Variants in PHYH observed in about 807,000 individuals in gnomAD.
PHYH encodes phytanoyl-CoA dioxygenase, peroxisomal.
PHYH carries 32 observed loss-of-function variants against 38.5 expected under a neutral mutation model. The ratio of observed to expected loss-of-function variants is 0.83; its 90% CI spans 0.63 to 1.12. The LOEUF is 1.12. Among genes scored for constraint, PHYH ranks in the 50% most tolerant of loss-of-function variants. PHYH has a pLI of 0.00. For synonymous variants in PHYH, 166 were observed against 157.9 expected, an observed-to-expected ratio of 1.05 and a Z score of -0.38; for missense variants, 426 against 434.8, an observed-to-expected ratio of 0.98 and a Z score of 0.18.
intron 1 of PHYH, among the ~76,000 whole-genome samples, chr10:13,298,718 C>CACCACTACTACTACTACTACT (rs1554785618): frequency 3.2e-5 from 3 of 93,436 alleles, no homozygotes; most frequent in Admixed American, 1.4e-4. Flanking sequence ...AAACTACCAC[C>CACCACTACTACTACTACTACT]ACTACTACTA....
Position 13,294,524 on chromosome 10 carries a change from A to T in PHYH, c.318T>A (p.Ile106=), listed in dbSNP as rs767524297. The T allele has an allele frequency of 1.9e-6, 3 of 1,613,784 alleles. No individual in the cohort carries two copies. In the Admixed American group the frequency reaches 5.0e-5, roughly 27 times the overall value. ...CACTTGGAGCATATTCGGATTTCGA[A>T]ATGGTCACATCTCTCATTACTGTTA... ...LGLTVMRDVT[I]SKSEYAPSEK... Residue 106 remains isoleucine, a synonymous_variant, in exon 4 of 9, where the codon ATT becomes ATA. Transcript: ENST00000263038.
rs544292128 is a variant in PHYH, at chr10:13,299,908, C to G, written c.75+60G>C. ...AGGCCTCCACCCGGACCAGGGCCAC[C>G]ACTCAGGCGGCGGCGCCGGCGCCGG... On this transcript the variant is annotated intron_variant, in intron 1 of 8. Coordinates refer to ENST00000263038, the MANE Select transcript of PHYH (RefSeq NM_006214.4). 135 of 1,487,090 alleles carry G rather than the reference C, an allele frequency of 9.1e-5. 1 individual carries two copies. In the South Asian group the frequency reaches 1.5e-3, roughly 17 times the overall value. 92.1% of individuals were successfully genotyped at this position (1,487,090 alleles called of 1,614,324 possible). A position where few individuals can be genotyped will look rare whatever the true frequency, so the allele number is the denominator to read the frequency against.
chr10:13,298,499 G>A (rs766289303), intron 1 of PHYH, among the ~76,000 whole-genome samples: 1 of 151,968 alleles, frequency 6.6e-6, no homozygotes, highest in Admixed American at 6.6e-5. Context: ...TCGGGATTTC[G>A]AGACCAGCCT....
rs942611701 is a variant in PHYH at position 13,294,707 on chromosome 10, T to G, written c.246-111A>C. 9.4e-6 allele frequency: 8 copies of G among 852,498 alleles called. 1 individual carries two copies. The South Asian group carries it at 1.1e-4, about 12-fold the overall frequency. The allele number at this position is 852,498 out of a possible 1,614,324, so 52.8% of individuals were successfully genotyped here. ...TGAGGGGTGGTTTCTCTGCACTAAG[T>G]TGGCCTCCAGCTTGAGGTAGAATAA... On this transcript the variant is annotated intron_variant, in intron 3 of 8. Coordinates refer to ENST00000263038, the MANE Select transcript of PHYH (RefSeq NM_006214.4).
chr10:13,295,253 C>T (rs2131653974), intron 3 of PHYH: 1 of 479,412 alleles, frequency 2.1e-6, no homozygotes, highest in East Asian at 3.9e-5. Context: ...TGCTTGAGCC[C>T]AGGAACTTGA....
chr10:13,297,056 T>A (rs1832577397), intron 2 of PHYH, among the ~76,000 whole-genome samples: 1 of 151,880 alleles, frequency 6.6e-6, no homozygotes, highest in Non-Finnish European at 1.5e-5. Flanking sequence ...CAAGACACTA[T>A]ATGAAAAAAA....
intron 2 of PHYH, among the ~76,000 whole-genome samples, chr10:13,296,263 C>T (rs551821026): frequency 6.2e-5 from 4 of 64,296 alleles, no homozygotes; most frequent in South Asian, 5.6e-4. Context: ...TGAAAACTTA[C>T]GCTTTATGTC....
In PHYH at chr10:13,278,363, A is replaced by G. The variant is rs1418794338; in HGVS notation, c.964-9T>C. 4 of 1,605,382 alleles carry G rather than the reference A, an allele frequency of 2.5e-6. No individual in the cohort carries two copies. In the Admixed American group the frequency reaches 6.7e-5, roughly 27 times the overall value. On this transcript the variant is annotated splice_polypyrimidine_tract_variant and intron_variant, in intron 8 of 8. Coordinates refer to ENST00000263038, the MANE Select transcript of PHYH (RefSeq NM_006214.4). ...CGAAACATCCAAATATCCTGGAAAT[A>G]ATATCAAACAGAGTGGGTTTATGGA... is the stretch of plus-strand genomic sequence containing the variant.
chr10:13,296,546 G>C, intron 2 of PHYH, among the ~76,000 whole-genome samples: 1 of 137,038 alleles, frequency 7.3e-6, no homozygotes, highest in Non-Finnish European at 1.5e-5. Flanking sequence ...CTGGGTGACA[G>C]AGCAAGGCTC....
intron 2 of PHYH, 128 bp from the exon 3 acceptor site, chr10:13,295,734 G>A (rs1184421849): frequency 1.5e-6 from 1 of 648,648 alleles, no homozygotes; most frequent in Non-Finnish European, 2.8e-6. Flanking sequence ...TCAGGAGTTT[G>A]AGACTAGCCC....
intron 4 of PHYH, 32 bp from the exon 5 acceptor site, chr10:13,291,944 C>G: frequency 6.7e-7 from 1 of 1,482,222 alleles, no homozygotes; most frequent in Non-Finnish European, 9.4e-7. Context: ...AAAAACAAAC[C>G]TTGTGGGAAA....
At chr10:13,279,021 G>A (rs796929049) in intron 8 of PHYH, among the ~76,000 whole-genome samples, 2 of 150,502 alleles carry the variant, frequency 1.3e-5, no homozygotes, top group Non-Finnish European at 1.5e-5. Flanking sequence ...TTTTTGAGAC[G>A]GAATTTTGCT....
rs140309981 is a variant in PHYH at position 13,291,922 on chromosome 10, C to CAA, written c.415-12_415-11dup. 9.7e-5 allele frequency: 134 copies of CAA among 1,376,298 alleles called. No individual in the cohort carries two copies. The highest frequency in any genetic ancestry group is 3.1e-4 in the South Asian group (24 of 78,348). The allele number at this position is 1,376,298 out of a possible 1,614,324, so 85.3% of individuals were successfully genotyped here. On this transcript the variant is annotated splice_polypyrimidine_tract_variant and intron_variant, in intron 4 of 8. Transcript: ENST00000263038. ...CCACATATTTCAGAATCTAAGAAAG[C>CAA]AAAAAAAAAACAAAAACAAACCTTG...
At chr10:13,299,860 G>T (rs1447835314) in intron 1 of PHYH, 108 bp downstream of exon 1, 24 of 1,354,968 alleles carry the variant, frequency 1.8e-5, no homozygotes, top group Non-Finnish European at 2.3e-5. Context: ...GGAGGCGCTG[G>T]GGCTGCGAAG....
intron 5 of PHYH, among the ~76,000 whole-genome samples, chr10:13,289,342 C>T (rs1195423839): frequency 6.6e-6 from 1 of 152,006 alleles, no homozygotes; most frequent in African/African-American, 2.4e-5. Context: ...ACTACAGGCG[C>T]CCGCCACCAC....
chr10:13,290,894 C>T (rs1007724453), intron 5 of PHYH, among the ~76,000 whole-genome samples: 1 of 151,962 alleles, frequency 6.6e-6, no homozygotes. Flanking sequence ...GTCAGGAGTT[C>T]GAGACCAGCC....
chr10:13,294,092 C>T (rs1835778607), intron 4 of PHYH, among the ~76,000 whole-genome samples: 2 of 152,104 alleles, frequency 1.3e-5, no homozygotes, highest in Non-Finnish European at 2.9e-5. Flanking sequence ...AACCTAGCTA[C>T]TTGGGAGGCT....
At chr10:13,279,862 G>A (rs1241846594) in intron 8 of PHYH, among the ~76,000 whole-genome samples, 1 of 152,150 alleles carries the variant, frequency 6.6e-6, no homozygotes, top group Non-Finnish European at 1.5e-5. Flanking sequence ...TTTAGGTACT[G>A]AACAAAAAGT....
At chr10:13,299,717 C>T in intron 1 of PHYH, 2 of 1,297,934 alleles carry the variant, frequency 1.5e-6, no homozygotes, top group South Asian at 4.5e-5. Context: ...CCCAGGGATC[C>T]CGGAGGGCAG....
Sources: gnomAD v4.1 joint callset for allele counts (sites outside exome capture counted in the v4.1 genomes callset) on GRCh38, gnomAD v4.1.1 for gene constraint, MANE v1.5 for transcripts, NCBI Gene and HGNC (gene_info 2026-07-23, HGNC 2026-07-21) for gene names.